Variants in SFI1 observed in about 807,000 individuals in gnomAD.
The protein encoded by SFI1 is protein SFI1 homolog.
Under a neutral mutation model 207.5 loss-of-function variants are expected in SFI1, and 195 were observed. The observed-to-expected ratio is 0.94, with a 90% CI of 0.84 to 1.06. SFI1 has a LOEUF of 1.06. SFI1 is among the 50% of genes least tolerant of loss of function. The probability of loss-of-function intolerance (pLI) is 0.00; values close to 1 mark genes in which losing one functional copy is unlikely to be tolerated. For missense variants in SFI1, 1,634 were observed against 1,588.0 expected, an observed-to-expected ratio of 1.03 and a Z score of -0.49; for synonymous variants, 630 against 598.9, an observed-to-expected ratio of 1.05 and a Z score of -0.76.
intron 2 of SFI1, among the ~76,000 whole-genome samples, chr22:31,515,200 ATTTTGCT>A (rs2056312381): frequency 2.0e-5 from 3 of 152,010 alleles, no homozygotes; most frequent in African/African-American, 7.3e-5. Context: ...GGAATCTTCA[ATTTTGCT>A]AGATAATGAT....
chr22:31,546,971 G>A lies in SFI1; in HGVS notation c.449G>A (p.Arg150Lys). 1 of 1,598,618 alleles carries A rather than the reference G, an allele frequency of 6.3e-7. No homozygotes were observed. The highest frequency in any genetic ancestry group is 8.6e-7 in the Non-Finnish European group (1 of 1,169,534). ...TGTGTTCGAGCTGACTGTCACTACAGGTCAGGTTTCATGTTACACTCCTTC... is the reference window on the plus strand; with the variant it reads ...TGTGTTCGAGCTGACTGTCACTACAAGTCAGGTTTCATGTTACACTCCTTC... ...KLCVRADCHY[R>K]YYLYNLMFQT... The change falls in exon 5 of 33, where the codon AGG becomes AAG. Residue 150 changes from arginine (R) to lysine (K), a missense_variant and splice_region_variant. Coordinates refer to ENST00000400288, the MANE Select transcript of SFI1 (RefSeq NM_001007467.3).
chr22:31,560,702 CTTT>C (rs760344163), intron 7 of SFI1, among the ~76,000 whole-genome samples: 3 of 125,112 alleles, frequency 2.4e-5, no homozygotes, highest in African/African-American at 6.0e-5. Context: ...CACGCCTGGC[CTTT>C]TTTTTTTTTT....
intron 1 of SFI1, among the ~76,000 whole-genome samples, chr22:31,498,274 G>A (rs999503239): frequency 4.1e-5 from 5 of 122,262 alleles, no homozygotes; most frequent in African/African-American, 9.0e-5. Flanking sequence ...CAGCCTGGGC[G>A]ACAGAGTGAT....
In SFI1 at chr22:31,613,684, A is replaced by G. The variant is rs1266842096; in HGVS notation, c.2825A>G (p.Gln942Arg). ...GTGCTGGGCCGGGGCGGGAAGCCTCAGCCCCTGGCAGCCATCGCACCCAGC... is the reference window on the plus strand; with the variant it reads ...GTGCTGGGCCGGGGCGGGAAGCCTCGGCCCCTGGCAGCCATCGCACCCAGC... ...QKVLGRGGKP[Q>R]PLAAIAPSRK... The change falls in exon 27 of 33, where the codon CAG becomes CGG. Residue 942 changes from glutamine to arginine, a missense_variant. Transcript: ENST00000400288. 3.7e-6 allele frequency: 6 copies of G among 1,611,052 alleles called. No homozygotes were observed. The African/African-American group carries it at 4.0e-5, about 11-fold the overall frequency.
At chr22:31,591,689 G>T (rs2065964705) in intron 15 of SFI1, among the ~76,000 whole-genome samples, 1 of 66,806 alleles carries the variant, frequency 1.5e-5, no homozygotes, top group South Asian at 6.5e-4. Flanking sequence ...GGCTGGCTGG[G>T]CAGAGGGGCT....
At chr22:31,612,027 T>C in intron 24 of SFI1, 187 bp downstream of exon 24, 3 of 1,397,846 alleles carry the variant, frequency 2.1e-6, no homozygotes, top group Admixed American at 2.9e-5. Flanking sequence ...GTCTGCAGTC[T>C]GCATAAGAAC....
chr22:31,611,987 T>C, intron 24 of SFI1, 147 bp downstream of exon 24: 1 of 1,433,886 alleles, frequency 7.0e-7, no homozygotes, highest in Non-Finnish European at 9.2e-7. Context: ...ACCACCTTCC[T>C]GTCATTTCCA....
At chr22:31,585,310 GTC>G (rs2064885860) in intron 14 of SFI1, among the ~76,000 whole-genome samples, 176 bp downstream of exon 14, 1 of 152,186 alleles carries the variant, frequency 6.6e-6, no homozygotes, top group South Asian at 2.1e-4. Flanking sequence ...ATATCAGAAA[GTC>G]TGCATAACTC....
intron 1 of SFI1, among the ~76,000 whole-genome samples, chr22:31,506,686 A>C (rs1199514325): frequency 6.6e-6 from 1 of 152,200 alleles, no homozygotes; most frequent in African/African-American, 2.4e-5. Flanking sequence ...TCAATGTGCA[A>C]AAATTGCAGA....
chr22:31,609,080 C>T (rs1187646671), intron 22 of SFI1, among the ~76,000 whole-genome samples: 1 of 151,972 alleles, frequency 6.6e-6, no homozygotes, highest in Non-Finnish European at 1.5e-5. Flanking sequence ...TCACTGCAAC[C>T]TCCACCTCTT....
chr22:31,618,228 T>G lies in SFI1; in HGVS notation c.3624+2T>G. 1 of 1,595,476 alleles carries G rather than the reference T, an allele frequency of 6.3e-7. No homozygotes were observed. Among genetic ancestry groups the G allele is most frequent in the Non-Finnish European group, 8.5e-7 (1 of 1,172,590 alleles). On this transcript the variant is annotated splice_donor_variant, in intron 32 of 32. Coordinates refer to ENST00000400288, the MANE Select transcript of SFI1 (RefSeq NM_001007467.3). LOFTEE classifies it high-confidence loss of function. ...CAGGTGCAGAAAGAGCTGGAACAGGTGAGGCCCCAGGCCATCCCCAGGTGT... is the reference window on the plus strand; with the variant it reads ...CAGGTGCAGAAAGAGCTGGAACAGGGGAGGCCCCAGGCCATCCCCAGGTGT...
chr22:31,563,786 T>C (rs1205252221), intron 8 of SFI1, among the ~76,000 whole-genome samples: 1 of 151,850 alleles, frequency 6.6e-6, no homozygotes, highest in South Asian at 2.1e-4. Context: ...GGTTTTGCCA[T>C]GTTGGCCAGG....
chr22:31,581,660 C>CT, intron 12 of SFI1, among the ~76,000 whole-genome samples: 1 of 152,042 alleles, frequency 6.6e-6, no homozygotes, highest in African/African-American at 2.4e-5. Context: ...CATTATAAAA[C>CT]AATGGTTTGT....
chr22:31,549,231 A>C (rs906146317), intron 5 of SFI1, among the ~76,000 whole-genome samples: 8 of 141,332 alleles, frequency 5.7e-5, no homozygotes, highest in African/African-American at 1.3e-4. Flanking sequence ...TCAAGGCTAC[A>C]GTGAGCCATG....
chr22:31,508,374 C>T lies in SFI1; in HGVS notation c.90C>T (p.Ser30=), dbSNP rs757490606. The T allele has an allele frequency of 3.7e-6, 6 of 1,607,764 alleles. No individual in the cohort carries two copies. Among genetic ancestry groups the T allele is most frequent in the Non-Finnish European group, 4.3e-6 (5 of 1,175,530 alleles). ...IKQRMEKKVD[S]RYFKDGAVKK... ...AGAGAATGGAGAAGAAGGTTGATTC[C>T]AGGTGAGTGATGGGACTTGAGAAAA... Residue 30 remains serine, a splice_region_variant and synonymous_variant, in exon 2 of 33, where the codon TCC becomes TCT. Transcript: ENST00000400288.
intron 12 of SFI1, among the ~76,000 whole-genome samples, chr22:31,581,370 C>A (rs1211288657): frequency 6.6e-6 from 1 of 151,292 alleles, no homozygotes; most frequent in Non-Finnish European, 1.5e-5. Context: ...CTCACTGCAA[C>A]CTCCACCTCC....
At chr22:31,614,714 A>G in intron 27 of SFI1, 75 bp from the exon 28 acceptor site, 1 of 1,523,122 alleles carries the variant, frequency 6.6e-7, no homozygotes, top group Non-Finnish European at 9.1e-7. Context: ...ATAAAATTGG[A>G]GATCCCACAG....
chr22:31,560,279 A>C (rs2061556734), intron 7 of SFI1, among the ~76,000 whole-genome samples: 1 of 152,204 alleles, frequency 6.6e-6, no homozygotes, highest in South Asian at 2.1e-4. Context: ...AACAAGACTG[A>C]AACAAAAGTC....
chr22:31,562,041 G>A (rs569784734), intron 8 of SFI1, among the ~76,000 whole-genome samples: 1 of 152,240 alleles, frequency 6.6e-6, no homozygotes, highest in South Asian at 2.1e-4. Context: ...AAATTGCATA[G>A]TCCATGTGAA....
Sources: allele counts gnomAD v4.1 joint callset (sites outside exome capture counted in the v4.1 genomes callset), GRCh38; gene constraint gnomAD v4.1.1; transcripts MANE v1.5; gene names NCBI Gene and HGNC (gene_info 2026-07-23, HGNC 2026-07-21).